DYNLRB1: variants seen among roughly 807,000 people sequenced by gnomAD.
DYNLRB1 encodes ROBL/LC7-like 1.
Under a neutral mutation model 13.5 loss-of-function variants are expected in DYNLRB1, and 6 were observed. The ratio of observed to expected loss-of-function variants is 0.44; its 90% CI spans 0.24 to 0.88. The LOEUF is 0.88. Ranked by LOEUF, DYNLRB1 falls within the 40% of genes least tolerant of loss-of-function variation. The pLI is 0.21. For synonymous variants in DYNLRB1, 43 were observed against 45.0 expected (o/e 0.96, Z 0.18); for missense variants, 93 against 127.2 (o/e 0.73, Z 1.29).
At chr20:34,522,020 T>C (rs1470685847) in intron 1 of DYNLRB1, among the ~76,000 whole-genome samples, 3 of 151,384 alleles carry the variant, frequency 2.0e-5, no homozygotes, top group Admixed American at 2.0e-4. Context: ...GGTGACAGAG[T>C]GAGACCCTAT....
intron 2 of DYNLRB1, among the ~76,000 whole-genome samples, chr20:34,528,680 T>C (rs1050330487): frequency 2.6e-5 from 4 of 152,166 alleles, no homozygotes; most frequent in African/African-American, 4.8e-5. Flanking sequence ...ATAATTGTTA[T>C]AATGGCTGGG....
intron 3 of DYNLRB1, chr20:34,536,480 C>T (rs1463545624): frequency 1.0e-6 from 1 of 985,284 alleles, no homozygotes; most frequent in Non-Finnish European, 1.2e-6. Context: ...AGCGCAGTGG[C>T]TCACGCCTGT....
intron 1 of DYNLRB1, among the ~76,000 whole-genome samples, chr20:34,517,741 G>A (rs1224694853): frequency 1.4e-5 from 2 of 147,408 alleles, no homozygotes; most frequent in African/African-American, 5.0e-5. Flanking sequence ...TGATTCTCCC[G>A]CCTCAGCCTC....
At chr20:34,533,474 A>T in intron 2 of DYNLRB1, 1 of 985,468 alleles carries the variant, frequency 1.0e-6, no homozygotes, top group Non-Finnish European at 1.2e-6. Flanking sequence ...GGTGGAAATC[A>T]TGATGGTTAT....
intron 3 of DYNLRB1, chr20:34,535,435 T>G: frequency 1.1e-6 from 1 of 871,252 alleles, no homozygotes; most frequent in Non-Finnish European, 1.4e-6. Context: ...CCAAGGCCTG[T>G]GTTTAGTCCT....
At chr20:34,525,211 C>T (rs79400368) in intron 1 of DYNLRB1, among the ~76,000 whole-genome samples, 2,630 of 151,198 alleles carry the variant, frequency 0.017, 33 homozygotes, top group Middle Eastern at 0.034. Flanking sequence ...GTGAATGGAG[C>T]CTCTGTTTCT....
At chr20:34,530,390 C>G (rs1033543773) in intron 2 of DYNLRB1, 7 of 681,510 alleles carry the variant, frequency 1.0e-5, no homozygotes, top group Non-Finnish European at 1.1e-5. Context: ...TAAGTTTTCT[C>G]ATTTGTAAAA....
Position 34,528,491 on chromosome 20 carries a change from G to A in DYNLRB1, c.79+2148G>A, listed in dbSNP as rs1980437175. On this transcript the variant is annotated intron_variant, in intron 2 of 3. Coordinates refer to ENST00000357156, the MANE Select transcript of DYNLRB1 (RefSeq NM_014183.4). ...ATGCCTGACTCACCTCTGTTCCCGT[G>A]TCATTCACCACAGGCCGCAGAGTCA... Among the ~76,000 whole-genome samples, 3 of 152,226 alleles carry A rather than the reference G, an allele frequency of 2.0e-5. No homozygotes were observed. The South Asian group carries it at 6.2e-4, about 32-fold the overall frequency.
At chr20:34,540,273 A>G (rs776302532) in intron 3 of DYNLRB1, among the ~76,000 whole-genome samples, 1 of 152,156 alleles carries the variant, frequency 6.6e-6, no homozygotes, top group Admixed American at 6.5e-5. Context: ...GAGTCCCCCC[A>G]CCTGGAAAAC....
At chr20:34,537,664 C>T (rs761333413) in intron 3 of DYNLRB1, among the ~76,000 whole-genome samples, 2 of 152,164 alleles carry the variant, frequency 1.3e-5, no homozygotes, top group African/African-American at 2.4e-5. Context: ...CCACGCAGAG[C>T]CTAGGAGGCC....
chr20:34,518,513 T>A (rs1197618847), intron 1 of DYNLRB1, among the ~76,000 whole-genome samples: 1 of 152,084 alleles, frequency 6.6e-6, no homozygotes, highest in East Asian at 1.9e-4. Context: ...GTTTCTTTTT[T>A]TTTTTTTCTT....
intron 2 of DYNLRB1, among the ~76,000 whole-genome samples, chr20:34,528,398 G>A (rs936054935): frequency 6.6e-6 from 1 of 151,442 alleles, no homozygotes; most frequent in Non-Finnish European, 1.5e-5. Context: ...TGAGACTTGG[G>A]AGGAGAGGAG....
rs570550176 is a variant in DYNLRB1 at position 34,527,485 on chromosome 20, G to A, written c.79+1142G>A. Among the ~76,000 whole-genome samples, 1,275 of 152,330 alleles carry A rather than the reference G, an allele frequency of 8.4e-3. 8 individuals carry two copies. The highest frequency in any genetic ancestry group is 0.014 in the Admixed American group (210 of 15,304). Reference sequence around the variant, plus strand: ...TGAGGCATTTGTTCATACAAACTCTGATTTACCTGATTGGGTTCCCCTGTT... The same window carrying A: ...TGAGGCATTTGTTCATACAAACTCTAATTTACCTGATTGGGTTCCCCTGTT... On this transcript the variant is annotated intron_variant, in intron 2 of 3. Coordinates refer to ENST00000357156, the MANE Select transcript of DYNLRB1 (RefSeq NM_014183.4).
chr20:34,518,055 T>G (rs1481335363), intron 1 of DYNLRB1, among the ~76,000 whole-genome samples: 1 of 152,230 alleles, frequency 6.6e-6, no homozygotes, highest in Non-Finnish European at 1.5e-5. Context: ...CTAATTTCCG[T>G]TCCTTTGAAT....
intron 2 of DYNLRB1, among the ~76,000 whole-genome samples, chr20:34,532,211 T>TTA (rs1980766770): frequency 6.6e-6 from 1 of 152,240 alleles, no homozygotes; most frequent in African/African-American, 2.4e-5. Flanking sequence ...TAACATTTAT[T>TTA]AAGTGTACTC....
chr20:34,520,728 C>T (rs1979646067), intron 1 of DYNLRB1, among the ~76,000 whole-genome samples: 2 of 152,204 alleles, frequency 1.3e-5, no homozygotes, highest in African/African-American at 4.8e-5. Flanking sequence ...GGATTACAGG[C>T]ATGAGCCACC....
chr20:34,516,833 T>C (rs1270812300), intron 1 of DYNLRB1: 1 of 1,547,932 alleles, frequency 6.5e-7, no homozygotes, highest in Non-Finnish European at 8.7e-7. Context: ...TGCCAAGCAC[T>C]TTATGTATCT....
At chr20:34,534,189 G>A (rs1419505367) in intron 2 of DYNLRB1, among the ~76,000 whole-genome samples, 1 of 152,102 alleles carries the variant, frequency 6.6e-6, no homozygotes, top group Non-Finnish European at 1.5e-5. Flanking sequence ...ATGAATGAGA[G>A]TCTCTCTTTT....
intron 1 of DYNLRB1, among the ~76,000 whole-genome samples, chr20:34,518,093 T>C (rs1979404674): frequency 6.6e-6 from 1 of 150,576 alleles, no homozygotes; most frequent in Non-Finnish European, 1.5e-5. Context: ...ATTGCTGATT[T>C]ATGGTAGGTT....
Sources: gnomAD v4.1 joint callset for allele counts (sites outside exome capture counted in the v4.1 genomes callset) on GRCh38, gnomAD v4.1.1 for gene constraint, MANE v1.5 for transcripts, NCBI Gene and HGNC (gene_info 2026-07-23, HGNC 2026-07-21) for gene names.